The following GRIP1 variants were observed in gnomAD, a reference collection of about 807,000 sequenced individuals.
GRIP1 encodes the protein glutamate receptor-interacting protein 1.
GRIP1 carries 45 observed loss-of-function variants against 129.9 expected under a neutral mutation model. The ratio of observed to expected loss-of-function variants is 0.35; its 90% CI spans 0.27 to 0.44. The LOEUF (loss-of-function observed/expected upper bound fraction) is 0.44. GRIP1 is among the 20% of genes least tolerant of loss of function. The pLI, the probability that GRIP1 is intolerant of heterozygous loss-of-function variation, is 1.00. For missense variants in GRIP1, 1,196 were observed against 1,396.8 expected (o/e 0.86, Z 2.29); for synonymous variants, 530 against 520.8 (o/e 1.02, Z -0.24).
chr12:66,462,399 G>A (rs1592366690), intron 9 of GRIP1, among the ~76,000 whole-genome samples: 1 of 152,124 alleles, frequency 6.6e-6, no homozygotes, highest in South Asian at 2.1e-4. Context: ...AATTCAAAAT[G>A]TATACCAGGA....
At chr12:66,658,583 A>G (rs2033308356) in intron 1 of GRIP1, among the ~76,000 whole-genome samples, 1 of 139,660 alleles carries the variant, frequency 7.2e-6, no homozygotes, top group South Asian at 2.5e-4. Context: ...TCCATCTCAA[A>G]AAAAAAAAAG....
intron 1 of GRIP1, among the ~76,000 whole-genome samples, chr12:66,991,891 A>G (rs2042399894): frequency 6.6e-6 from 1 of 152,222 alleles, no homozygotes; most frequent in African/African-American, 2.4e-5. Context: ...TTCCAAATTT[A>G]CAACACTAAT....
intron 1 of GRIP1, among the ~76,000 whole-genome samples, chr12:66,729,194 T>C (rs1469798129): frequency 6.6e-6 from 1 of 152,120 alleles, no homozygotes; most frequent in East Asian, 1.9e-4. Context: ...AACTAAAACA[T>C]GCTAGTCTTG....
intron 1 of GRIP1, among the ~76,000 whole-genome samples, chr12:66,674,750 A>T (rs1029733432): frequency 2.6e-5 from 4 of 152,220 alleles, no homozygotes; most frequent in African/African-American, 4.8e-5. Context: ...CAATGACTGA[A>T]AAAATGAGAG....
chr12:66,414,746 A>G (rs553632296), intron 15 of GRIP1, among the ~76,000 whole-genome samples: 1 of 152,080 alleles, frequency 6.6e-6, no homozygotes, highest in East Asian at 1.9e-4. Context: ...ACAAAAGCAG[A>G]CATATAGACC....
At chr12:66,628,850 A>G (rs973429775) in intron 1 of GRIP1, among the ~76,000 whole-genome samples, 32 of 152,106 alleles carry the variant, frequency 2.1e-4, no homozygotes, top group African/African-American at 6.5e-4. Context: ...GAAGTTAAGC[A>G]CCCCTTATAT....
intron 1 of GRIP1, among the ~76,000 whole-genome samples, chr12:66,888,811 T>C (rs931436825): frequency 4.6e-5 from 7 of 152,182 alleles, no homozygotes; most frequent in African/African-American, 1.7e-4. Context: ...TGAACACAGT[T>C]GCTATCATCA....
Position 66,524,606 on chromosome 12 carries a change from A to G in GRIP1, c.502+5225T>C, listed in dbSNP as rs557466932. Among the ~76,000 whole-genome samples the G allele has an allele frequency of 1.7e-3, 262 of 152,154 alleles. 2 individuals carry two copies. The Middle Eastern group carries it at 0.048, about 28-fold the overall frequency. On this transcript the variant is annotated intron_variant, in intron 5 of 24. Coordinates refer to ENST00000359742, the MANE Select transcript of GRIP1 (RefSeq NM_001366722.1). ...GATCCAAAATTGACACCCTAACATC[A>G]CAATTAAAAGAACTAGAAAAGCAAG... is the stretch of plus-strand genomic sequence containing the variant.
intron 1 of GRIP1, among the ~76,000 whole-genome samples, chr12:66,688,407 C>T (rs183045122): frequency 9.9e-5 from 15 of 152,186 alleles, no homozygotes; most frequent in South Asian, 2.1e-4. Flanking sequence ...ACAAAGAGTA[C>T]GACTGGCTAT....
In GRIP1 at chr12:66,349,078, A is replaced by G; in HGVS notation, c.3328T>C (p.Phe1110Leu). ...TTACCACCGTGGCTAGGCTGCTGGAAAAAAGCACTGTTCTGTTCACTCCAA... is the reference window on the plus strand; with the variant it reads ...TTACCACCGTGGCTAGGCTGCTGGAGAAAAGCACTGTTCTGTTCACTCCAA... ...GDWSEQNSAF[F>L]QQPSHGGNLE... Residue 1110 changes from phenylalanine (F) to leucine (L), a missense_variant, in exon 25 of 25, where the codon TTC (phenylalanine) becomes CTC (leucine). Transcript: ENST00000359742. 2 of 1,614,136 alleles carry G rather than the reference A, an allele frequency of 1.2e-6. No homozygotes were observed. The highest frequency in any genetic ancestry group is 1.7e-5 in the Admixed American group (1 of 60,016).
At chr12:66,501,261 A>G (rs1451979814) in intron 7 of GRIP1, among the ~76,000 whole-genome samples, 1 of 152,236 alleles carries the variant, frequency 6.6e-6, no homozygotes, top group Non-Finnish European at 1.5e-5. Context: ...AATAATTCTT[A>G]AAAAAATAAT....
intron 1 of GRIP1, among the ~76,000 whole-genome samples, chr12:66,712,239 T>C (rs1592766706): frequency 6.6e-6 from 1 of 152,076 alleles, no homozygotes; most frequent in East Asian, 1.9e-4. Context: ...TAAATCATTA[T>C]ACAAAAGTAT....
In GRIP1 at chr12:66,485,194, G is replaced by A. The variant is rs997276899; in HGVS notation, c.725-19772C>T. Among the ~76,000 whole-genome samples the A allele has an allele frequency of 5.9e-5, 9 of 152,146 alleles. No homozygotes were observed. The South Asian group carries it at 1.9e-3, about 32-fold the overall frequency. On this transcript the variant is annotated intron_variant, in intron 7 of 24. Transcript: ENST00000359742. The stretch of plus-strand genomic sequence containing the variant: ...CTCTATATGTTTACCACCTCTTGTT[G>A]TGGTCAGTCTTTTCCACTGTAGCCA...
chr12:66,443,835 C>T (rs574182587), intron 13 of GRIP1, among the ~76,000 whole-genome samples: 2 of 152,290 alleles, frequency 1.3e-5, no homozygotes, highest in Non-Finnish European at 2.9e-5. Context: ...TATCTGCTGT[C>T]ATTTCTCTTT....
intron 7 of GRIP1, among the ~76,000 whole-genome samples, chr12:66,471,529 T>G (rs903939296): frequency 7.2e-5 from 11 of 152,236 alleles, no homozygotes; most frequent in Admixed American, 6.5e-4. Flanking sequence ...TGATTAATTG[T>G]ATGTTATGTG....
chr12:66,699,353 T>C (rs1395108201), intron 1 of GRIP1, among the ~76,000 whole-genome samples: 1 of 152,184 alleles, frequency 6.6e-6, no homozygotes, highest in Admixed American at 6.5e-5. Context: ...CACCTGAATC[T>C]CATCTTGAAT....
intron 1 of GRIP1, among the ~76,000 whole-genome samples, chr12:66,840,103 A>T (rs1388347415): frequency 6.6e-6 from 1 of 152,184 alleles, no homozygotes; most frequent in African/African-American, 2.4e-5. Flanking sequence ...ATTCAAGCCC[A>T]TAAGTGCCTC....
Position 66,406,210 on chromosome 12 carries a change from A to G in GRIP1, c.1984+73T>C. 2.8e-6 allele frequency: 4 copies of G among 1,441,190 alleles called. No homozygotes were observed. The South Asian group carries it at 4.6e-5, about 17-fold the overall frequency. The allele number at this position is 1,441,190 out of a possible 1,614,324, so 89.3% of individuals were successfully genotyped here. On this transcript the variant is annotated intron_variant, in intron 16 of 24. Coordinates refer to ENST00000359742, the MANE Select transcript of GRIP1 (RefSeq NM_001366722.1). ...ACTAGCCAGCTGTTGTATGTAAAAC[A>G]TCAAGATCTAATATCTTTGGTGACA...
At chr12:66,524,857 G>A (rs2061164935) in intron 5 of GRIP1, among the ~76,000 whole-genome samples, 1 of 152,150 alleles carries the variant, frequency 6.6e-6, no homozygotes, top group South Asian at 2.1e-4. Context: ...TATCACCACT[G>A]ATCCCAAAGA....
Sources: gnomAD v4.1 joint callset for allele counts (sites outside exome capture counted in the v4.1 genomes callset) on GRCh38, gnomAD v4.1.1 for gene constraint, MANE v1.5 for transcripts, NCBI Gene and HGNC (gene_info 2026-07-23, HGNC 2026-07-21) for gene names.